Variants in IGFL2 observed in about 807,000 individuals in gnomAD.
IGFL2 encodes IGF like family member 2.
Under a neutral mutation model 13.9 loss-of-function variants are expected in IGFL2, and 7 were observed. The ratio of observed to expected loss-of-function variants is 0.51; its 90% confidence interval spans 0.29 to 0.95. The LOEUF (loss-of-function observed/expected upper bound fraction) is 0.95. Among genes scored for constraint, IGFL2 ranks in the 40% least tolerant of loss-of-function variants. The pLI is 0.08. For synonymous variants in IGFL2, 55 were observed against 55.8 expected (o/e 0.99, Z 0.07); for missense variants, 138 against 147.8 (o/e 0.93, Z 0.34).
chr19:46,117,353 A>G, the IGFL2 span, among the ~76,000 whole-genome samples: 1 of 152,138 alleles, frequency 6.6e-6, no homozygotes, highest in Admixed American at 6.5e-5. Context: ...TCAAAGTGCT[A>G]GGATTACAGG....
the IGFL2 span, among the ~76,000 whole-genome samples, chr19:46,206,037 A>T: frequency 6.6e-6 from 1 of 152,210 alleles, no homozygotes; most frequent in Non-Finnish European, 1.5e-5. Flanking sequence ...GGGCTACTAG[A>T]AAATAGCTTA....
At chr19:46,148,110 C>G (rs1303425992), upstream of IGFL2, 1 of 586,820 alleles carries the variant, frequency 1.7e-6, no homozygotes, top group Non-Finnish European at 3.1e-6. Context: ...GCTGTTGATG[C>G]AGTTTTTTCT....
upstream of IGFL2, among the ~76,000 whole-genome samples, chr19:46,146,842 C>G (rs1973162480): frequency 6.6e-6 from 1 of 152,186 alleles, no homozygotes; most frequent in Non-Finnish European, 1.5e-5. Flanking sequence ...ACTAACAATG[C>G]ACTTTTATAA....
the IGFL2 span, among the ~76,000 whole-genome samples, chr19:46,115,627 A>C: frequency 1.3e-5 from 2 of 152,032 alleles, no homozygotes; most frequent in Non-Finnish European, 2.9e-5. Flanking sequence ...ACTCAGCCTG[A>C]GTGGGAGCAG....
upstream of IGFL2, among the ~76,000 whole-genome samples, chr19:46,138,890 T>C (rs1240439071): frequency 6.6e-6 from 1 of 152,114 alleles, no homozygotes; most frequent in South Asian, 2.1e-4. Context: ...AAGGTGAGCC[T>C]TGGAGAATGA....
chr19:46,149,466 T>C (rs1238455806), intron 1 of IGFL2, among the ~76,000 whole-genome samples: 1 of 151,262 alleles, frequency 6.6e-6, no homozygotes, highest in East Asian at 1.9e-4. Context: ...CCAGAATTGC[T>C]TTTTACCTCC....
At chr19:46,159,904 G>T in intron 1 of IGFL2, 2 of 163,484 alleles carry the variant, frequency 1.2e-5, no homozygotes, top group Non-Finnish European at 1.3e-5. Context: ...GGAGTTCAAG[G>T]CTGCAGTGAG....
At chr19:46,212,756 T>C in the IGFL2 span, 1 of 151,620 alleles carries the variant, frequency 6.6e-6, no homozygotes, top group African/African-American at 2.4e-5. Context: ...GTCATGAACG[T>C]CACGAAGACA....
chr19:46,082,796 ACT>A, the IGFL2 span, among the ~76,000 whole-genome samples: 1 of 152,080 alleles, frequency 6.6e-6, no homozygotes, highest in East Asian at 1.9e-4. Context: ...TATAGATGTA[ACT>A]CTCTGATGTA....
the IGFL2 span, among the ~76,000 whole-genome samples, chr19:46,211,330 T>G: frequency 6.6e-6 from 1 of 152,138 alleles, no homozygotes; most frequent in Non-Finnish European, 1.5e-5. Flanking sequence ...TCACACAGAC[T>G]CCTCCTTGTC....
the IGFL2 span, among the ~76,000 whole-genome samples, chr19:46,112,400 G>A: frequency 6.6e-5 from 10 of 152,228 alleles, no homozygotes; most frequent in African/African-American, 1.9e-4. Flanking sequence ...TTTTTCCAAT[G>A]AGAAAGGAAA....
At chr19:46,120,059 T>C in the IGFL2 span, 2 of 493,038 alleles carry the variant, frequency 4.1e-6, no homozygotes, top group Non-Finnish European at 7.2e-6. Flanking sequence ...TCAGGTTGCA[T>C]GAACGAATTG....
chr19:46,170,308 A>C, the IGFL2 span, among the ~76,000 whole-genome samples: 3 of 152,170 alleles, frequency 2.0e-5, no homozygotes, highest in Admixed American at 1.3e-4. Flanking sequence ...TAAATTGTGA[A>C]GATTTCATGG....
chr19:46,135,354 G>A, the IGFL2 span, among the ~76,000 whole-genome samples: 14 of 152,188 alleles, frequency 9.2e-5, no homozygotes, highest in Admixed American at 5.2e-4. Context: ...AGTGCTTTGT[G>A]TTTTCTTAGA....
At chr19:46,079,290 A>G in the IGFL2 span, among the ~76,000 whole-genome samples, 2 of 152,234 alleles carry the variant, frequency 1.3e-5, no homozygotes, top group African/African-American at 2.4e-5. Flanking sequence ...GTGGGACAAG[A>G]ATCCTCTGCA....
At chr19:46,101,960 T>G in the IGFL2 span, among the ~76,000 whole-genome samples, 43 of 152,356 alleles carry the variant, frequency 2.8e-4, no homozygotes, top group East Asian at 7.1e-3. Flanking sequence ...CTTTCTGTAC[T>G]ATGCTGACAC....
At chr19:46,201,894 C>CT in the IGFL2 span, among the ~76,000 whole-genome samples, 1 of 135,126 alleles carries the variant, frequency 7.4e-6, no homozygotes, top group South Asian at 2.5e-4. Context: ...AGCCACCTCT[C>CT]TAAGAGGAAA....
At chr19:46,099,359 T>C in the IGFL2 span, among the ~76,000 whole-genome samples, 1 of 152,214 alleles carries the variant, frequency 6.6e-6, no homozygotes, top group Non-Finnish European at 1.5e-5. Flanking sequence ...TGAATTTGAA[T>C]GTTGGCCTCT....
the IGFL2 span, among the ~76,000 whole-genome samples, chr19:46,110,584 A>G: frequency 2.6e-5 from 4 of 152,244 alleles, no homozygotes; most frequent in African/African-American, 9.6e-5. Context: ...ACTTGTTATA[A>G]TTAGGAACCA....
Sources: allele counts gnomAD v4.1 joint callset (sites outside exome capture counted in the v4.1 genomes callset), GRCh38; gene constraint gnomAD v4.1.1; transcripts MANE v1.5; gene names NCBI Gene and HGNC (gene_info 2026-07-23, HGNC 2026-07-21).